LSP1: variants seen among roughly 807,000 people sequenced by gnomAD.
LSP1 encodes lymphocyte-specific protein 1.
LSP1 carries 32 observed loss-of-function variants against 49.3 expected under a neutral mutation model. The observed-to-expected ratio is 0.65, with a 90% CI of 0.49 to 0.87. The LOEUF (loss-of-function observed/expected upper bound fraction) is 0.87, where lower values mean the gene tolerates loss of function less well. LSP1 is among the 40% of genes least tolerant of loss of function. The pLI is 0.00. For missense variants in LSP1, 428 were observed against 442.6 expected, an observed-to-expected ratio of 0.97 and a Z score of 0.30; for synonymous variants, 179 against 178.8, an observed-to-expected ratio of 1.00 and a Z score of -0.01.
At chr11:1,857,048 G>A (rs145244770) in intron 1 of LSP1, among the ~76,000 whole-genome samples, 5 of 152,330 alleles carry the variant, frequency 3.3e-5, no homozygotes, top group Middle Eastern at 3.4e-3. Flanking sequence ...CCCTGGGGAG[G>A]TCCCCTTCCT....
intron 1 of LSP1, among the ~76,000 whole-genome samples, chr11:1,859,689 C>T (rs1177990915): frequency 6.6e-6 from 1 of 151,068 alleles, no homozygotes; most frequent in East Asian, 2.0e-4. Flanking sequence ...ACCACCCAGC[C>T]TCCAGCCCCC....
chr11:1,870,917 C>T (rs1348131982), intron 1 of LSP1: 5 of 985,700 alleles, frequency 5.1e-6, no homozygotes, highest in Non-Finnish European at 6.0e-6. Context: ...GGCGCCGCAG[C>T]GCTCCCGAGG....
chr11:1,877,124 T>C (rs1472800696), intron 1 of LSP1, among the ~76,000 whole-genome samples: 1 of 152,152 alleles, frequency 6.6e-6, no homozygotes, highest in Non-Finnish European at 1.5e-5. Flanking sequence ...CCGTGGTGCA[T>C]GCCAAGGGGC....
At chr11:1,861,083 T>C (rs997470685) in intron 1 of LSP1, among the ~76,000 whole-genome samples, 12 of 152,266 alleles carry the variant, frequency 7.9e-5, no homozygotes, top group Admixed American at 1.3e-4. Flanking sequence ...TAGACACTAC[T>C]AAATCAGGAA....
intron 1 of LSP1, among the ~76,000 whole-genome samples, chr11:1,878,221 C>T (rs1001781379): frequency 4.6e-5 from 7 of 152,100 alleles, no homozygotes; most frequent in Non-Finnish European, 8.8e-5. Flanking sequence ...CTCCTCAACA[C>T]TCTGCCCCAG....
chr11:1,884,332 G>T lies in LSP1; in HGVS notation c.635+9G>T, dbSNP rs1371639210. 6.2e-7 allele frequency: 1 copy of T among 1,614,064 alleles called. No individual in the cohort carries two copies. The highest frequency in any genetic ancestry group is 8.5e-7 in the Non-Finnish European group (1 of 1,179,988). Reference sequence around the variant, plus strand: ...CGCTCCATAGAGAAGAGGTCTGTCTGTCTGTCTGTCTGCTTTCTGGGCTCA... The same window carrying T: ...CGCTCCATAGAGAAGAGGTCTGTCTTTCTGTCTGTCTGCTTTCTGGGCTCA... On this transcript the variant is annotated intron_variant, in intron 6 of 10. Coordinates refer to ENST00000311604, the MANE Select transcript of LSP1 (RefSeq NM_002339.3). This position sits in a 1 kb window ranked among gnomAD's most constrained non-coding sequence, Gnocchi z 4.1.
chr11:1,858,875 A>G (rs1728179191), intron 1 of LSP1, among the ~76,000 whole-genome samples: 1 of 152,156 alleles, frequency 6.6e-6, no homozygotes, highest in South Asian at 2.1e-4. Flanking sequence ...ACAGGCAGAC[A>G]AGGGAGGAGG....
intron 10 of LSP1, chr11:1,889,167 G>T: frequency 1.5e-6 from 1 of 671,076 alleles, no homozygotes. Context: ...CCAGCCAGTC[G>T]CTGTGCGGTT....
intron 1 of LSP1, among the ~76,000 whole-genome samples, chr11:1,867,847 G>A (rs370807107): frequency 7.7e-5 from 10 of 130,710 alleles, no homozygotes; most frequent in African/African-American, 2.6e-4. Flanking sequence ...CTGCCCCAGC[G>A]ATTCTCCTTG....
At chr11:1,871,168 A>T in intron 1 of LSP1, 6 of 985,562 alleles carry the variant, frequency 6.1e-6, no homozygotes, top group Non-Finnish European at 7.2e-6. Context: ...GACACGGAGG[A>T]AGACAGAAAG....
intron 1 of LSP1, among the ~76,000 whole-genome samples, chr11:1,877,186 C>T (rs1363360678): frequency 6.6e-6 from 1 of 152,290 alleles, no homozygotes; most frequent in South Asian, 2.1e-4. Flanking sequence ...CCCCACCCCA[C>T]CCCAGGAGAG....
chr11:1,885,914 C>T (rs1848731438), intron 7 of LSP1, among the ~76,000 whole-genome samples: 1 of 152,282 alleles, frequency 6.6e-6, no homozygotes, highest in South Asian at 2.1e-4. Context: ...ACTCCTCCAT[C>T]CAACCAGTAC....
Position 1,889,414 on chromosome 11 carries a change from G to A in LSP1, c.*13+1838G>A, listed in dbSNP as rs761918001. On this transcript the variant is annotated intron_variant, in intron 10 of 10. Transcript: ENST00000311604. ...CTGGAGGTCCGGGAGGCGGGGGCCC[G>A]GGGTGCGGTGAGGGCGGGCACCTCC... 1.9e-4 allele frequency: 129 copies of A among 679,390 alleles called. No individual in the cohort carries two copies. In the African/African-American group the frequency reaches 2.1e-3, roughly 11 times the overall value. The allele number at this position is 679,390 out of a possible 1,614,324, so 42.1% of individuals were successfully genotyped here.
At chr11:1,866,984 G>A (rs1847814626) in intron 1 of LSP1, 2 of 1,392,220 alleles carry the variant, frequency 1.4e-6, no homozygotes, top group Non-Finnish European at 1.9e-6. Context: ...GTGGACCTGG[G>A]GAGGAGACAC....
Position 1,886,768 on chromosome 11 carries a change from T to G in LSP1, c.754T>G (p.Ser252Ala). ...GACCCCCAAGCTAGCCCGCCAGGCC[T>G]CCATAGAGCTGCCCAGCATGGCTGT... ...GRTPKLARQA[S>A]IELPSMAVAS... Residue 252 changes from serine to alanine, a missense_variant, in exon 8 of 11, where the codon TCC (serine) becomes GCC (alanine). Transcript: ENST00000311604. The G allele has an allele frequency of 6.2e-7, 1 of 1,611,458 alleles. No individual in the cohort carries two copies. Among genetic ancestry groups the G allele is most frequent in the East Asian group, 2.2e-5 (1 of 44,858 alleles).
intron 10 of LSP1, chr11:1,890,257 C>T: frequency 1.4e-6 from 1 of 714,990 alleles, no homozygotes; most frequent in East Asian, 2.7e-5. Flanking sequence ...CGGGGTAGGG[C>T]AGCCACCATG....
At chr11:1,862,625 T>C (rs4980392) in intron 1 of LSP1, among the ~76,000 whole-genome samples, 98,325 of 151,854 alleles carry the variant, frequency 0.65, 31,978 homozygotes, top group East Asian at 0.77. Flanking sequence ...CCTCCCTGAG[T>C]GATCTCAGTT....
At position 1,884,865 on chromosome 11, in the gene LSP1, A is replaced by T. The variant is rs1049968821; in HGVS notation, c.717+284A>T. ...TTCTGCATCCAATTAATGTTCCTTT[A>T]TACAACCAATACTCCTGCAACCAAT... On this transcript the variant is annotated intron_variant, in intron 7 of 10. Coordinates refer to ENST00000311604, the MANE Select transcript of LSP1 (RefSeq NM_002339.3). The surrounding 1 kb of genome is among the most constrained non-coding windows in gnomAD (Gnocchi z 4.1). Among the ~76,000 whole-genome samples, 1 of 151,810 alleles carries T rather than the reference A, an allele frequency of 6.6e-6. No homozygotes were observed. The highest frequency in any genetic ancestry group is 2.4e-5 in the African/African-American group (1 of 41,272).
rs563673015 is a variant in LSP1 at position 1,890,476 on chromosome 11, G to T, written c.*14-1297G>T. 6.2e-4 allele frequency: 445 copies of T among 717,264 alleles called. 3 individuals carry two copies. The African/African-American group carries it at 6.7e-3, about 11-fold the overall frequency. The allele number at this position is 717,264 out of a possible 1,614,324, so 44.4% of individuals were successfully genotyped here. ...GCCTTCCTCAGGAGCTTCTGCAAAC[G>T]CAAGTTGTCCTTCCCTGGCTTGGGC... On this transcript the variant is annotated intron_variant, in intron 10 of 10. Transcript: ENST00000311604.
Sources: allele counts gnomAD v4.1 joint callset (sites outside exome capture counted in the v4.1 genomes callset), GRCh38; gene constraint gnomAD v4.1.1; non-coding constraint Gnocchi (gnomAD v3.1); transcripts MANE v1.5; gene names NCBI Gene and HGNC (gene_info 2026-07-23, HGNC 2026-07-21).